BICC1: variants seen among roughly 807,000 people sequenced by gnomAD.
The protein encoded by BICC1 is BicC family RNA binding protein 1.
Under a neutral mutation model 111.0 loss-of-function variants are expected in BICC1, and 43 were observed. That is an observed-to-expected ratio of 0.39 (90% CI 0.30 to 0.50). The LOEUF (loss-of-function observed/expected upper bound fraction) is 0.50, where lower values mean the gene tolerates loss of function less well. Ranked by LOEUF, BICC1 falls within the 20% of genes least tolerant of loss-of-function variation. The pLI is 0.88. For synonymous variants in BICC1, 467 were observed against 434.4 expected, an observed-to-expected ratio of 1.07 and a Z score of -0.93; for missense variants, 1,091 against 1,203.2, an observed-to-expected ratio of 0.91 and a Z score of 1.38.
intron 3 of BICC1, among the ~76,000 whole-genome samples, chr10:58,717,412 A>G (rs544373635): frequency 1.3e-5 from 2 of 152,168 alleles, no homozygotes; most frequent in East Asian, 1.9e-4. Flanking sequence ...TAACAAGTTG[A>G]GTGGCAAGCC....
chr10:58,731,074 T>C (rs761679260), intron 3 of BICC1, among the ~76,000 whole-genome samples: 7 of 152,234 alleles, frequency 4.6e-5, no homozygotes, highest in Non-Finnish European at 1.0e-4. Context: ...TATGAGCATA[T>C]GTTATTAGAA....
At chr10:58,823,467 A>G (rs1449920726) in intron 20 of BICC1, 1 of 984,520 alleles carries the variant, frequency 1.0e-6, no homozygotes, top group Non-Finnish European at 1.2e-6. Context: ...ATTTAAAAAC[A>G]TATGTATGTA....
intron 3 of BICC1, among the ~76,000 whole-genome samples, chr10:58,712,979 C>G (rs1840625958): frequency 1.3e-5 from 2 of 152,094 alleles, no homozygotes; most frequent in Non-Finnish European, 2.9e-5. Context: ...ATACTAGACA[C>G]AGCATTTTTA....
At chr10:58,631,910 A>G (rs966597568) in intron 2 of BICC1, among the ~76,000 whole-genome samples, 5 of 152,228 alleles carry the variant, frequency 3.3e-5, no homozygotes, top group East Asian at 3.9e-4. Context: ...ATGTTTTCCT[A>G]TTGGCATTTG....
At chr10:58,800,839 G>A (rs372704591) in intron 13 of BICC1, 51 bp from the exon 14 acceptor site, 8 of 1,513,748 alleles carry the variant, frequency 5.3e-6, no homozygotes, top group Non-Finnish European at 7.1e-6. Flanking sequence ...ATTGTCAACT[G>A]GAAGGTGATG....
At chr10:58,747,034 C>T (rs189423207) in intron 3 of BICC1, among the ~76,000 whole-genome samples, 6 of 152,258 alleles carry the variant, frequency 3.9e-5, no homozygotes, top group South Asian at 4.1e-4. Flanking sequence ...TATCATGGCT[C>T]ATGTCAGCTG....
At chr10:58,774,727 G>T (rs1362697846) in intron 3 of BICC1, among the ~76,000 whole-genome samples, 2 of 152,078 alleles carry the variant, frequency 1.3e-5, no homozygotes, top group Non-Finnish European at 2.9e-5. Context: ...CCAAAAGTAT[G>T]GGAATTTAAC....
At chr10:58,526,243 A>G (rs1239149487) in intron 1 of BICC1, among the ~76,000 whole-genome samples, 1 of 151,708 alleles carries the variant, frequency 6.6e-6, no homozygotes, top group Non-Finnish European at 1.5e-5. Context: ...TGGAGCCCTG[A>G]TTTCTTTTTG....
intron 3 of BICC1, among the ~76,000 whole-genome samples, chr10:58,724,284 T>C (rs1026611741): frequency 6.6e-6 from 1 of 152,218 alleles, no homozygotes; most frequent in African/African-American, 2.4e-5. Context: ...ACATAATCTG[T>C]AGTTATTATA....
chr10:58,714,239 A>T (rs570087337), intron 3 of BICC1, among the ~76,000 whole-genome samples: 2 of 152,328 alleles, frequency 1.3e-5, no homozygotes, highest in Non-Finnish European at 2.9e-5. Flanking sequence ...AGAACATTTC[A>T]TGCAGCCTGG....
intron 3 of BICC1, among the ~76,000 whole-genome samples, chr10:58,765,724 TCA>T (rs1842438510): frequency 6.6e-6 from 1 of 152,208 alleles, no homozygotes; most frequent in Non-Finnish European, 1.5e-5. Context: ...AGATGAGGAC[TCA>T]CAGGGCAAAA....
chr10:58,791,799 T>C lies in BICC1; in HGVS notation c.1048-1685T>C, dbSNP rs1279891803. Among the ~76,000 whole-genome samples, 11 of 152,260 alleles carry C rather than the reference T, an allele frequency of 7.2e-5. No homozygotes were observed. In the East Asian group the frequency reaches 2.1e-3, roughly 29 times the overall value. On this transcript the variant is annotated intron_variant, in intron 8 of 20. Coordinates refer to ENST00000373886, the MANE Select transcript of BICC1 (RefSeq NM_001080512.3). ...GAGCATAGTATTTTATTTCTTTTTCTTTTTTTAGTTTAGGTGAGGTCTTAC... is the reference window on the plus strand; with the variant it reads ...GAGCATAGTATTTTATTTCTTTTTCCTTTTTTAGTTTAGGTGAGGTCTTAC...
Position 58,786,949 on chromosome 10 carries a change from T to C in BICC1, c.414T>C (p.Asp138=). The change falls in exon 5 of 21, where the codon GAT becomes GAC. Residue 138 remains aspartate (D), a synonymous_variant. Transcript: ENST00000373886. The part of the protein sequence containing the change: ...TKSNRVTLKM[D]VSHTEHSHVI... The stretch of plus-strand genomic sequence containing the variant: ...GCAATCGAGTCACACTGAAGATGGA[T>C]GTTTCACATACAGAACATTCACATG... 3.8e-6 allele frequency: 6 copies of C among 1,593,868 alleles called. No homozygotes were observed. Among genetic ancestry groups the C allele is most frequent in the Non-Finnish European group, 5.1e-6 (6 of 1,173,432 alleles).
chr10:58,540,463 G>A (rs1039204129), intron 1 of BICC1, among the ~76,000 whole-genome samples: 1 of 151,858 alleles, frequency 6.6e-6, no homozygotes, highest in African/African-American at 2.4e-5. Flanking sequence ...GAAATGTAAA[G>A]TATCATAATA....
chr10:58,825,988 G>GC (rs1236535012), intron 20 of BICC1, among the ~76,000 whole-genome samples: 7 of 149,328 alleles, frequency 4.7e-5, no homozygotes, highest in African/African-American at 1.8e-4. Context: ...AACAACTATT[G>GC]TTTAAAAAAA....
intron 20 of BICC1, chr10:58,824,096 A>G: frequency 5.1e-6 from 5 of 984,454 alleles, no homozygotes; most frequent in Non-Finnish European, 6.0e-6. Context: ...GTTATCTGGC[A>G]TACTTGGAAC....
At chr10:58,598,154 C>A (rs1186558438) in intron 1 of BICC1, among the ~76,000 whole-genome samples, 6 of 152,028 alleles carry the variant, frequency 3.9e-5, no homozygotes. Flanking sequence ...TGACTTCTCA[C>A]AACATAAAAC....
At chr10:58,561,357 A>G (rs999571955) in intron 1 of BICC1, among the ~76,000 whole-genome samples, 4 of 151,996 alleles carry the variant, frequency 2.6e-5, no homozygotes, top group Non-Finnish European at 5.9e-5. Flanking sequence ...TAATATAAAT[A>G]TAGCTACTCC....
chr10:58,576,854 T>C (rs1038669628), intron 1 of BICC1, among the ~76,000 whole-genome samples: 1 of 152,168 alleles, frequency 6.6e-6, no homozygotes, highest in African/African-American at 2.4e-5. Flanking sequence ...AAGAAAGTTA[T>C]CCCAGATGTC....
Sources: gnomAD v4.1 joint callset for allele counts (sites outside exome capture counted in the v4.1 genomes callset) on GRCh38, gnomAD v4.1.1 for gene constraint, MANE v1.5 for transcripts, NCBI Gene and HGNC (gene_info 2026-07-23, HGNC 2026-07-21) for gene names.